SLC9C1: variants seen among roughly 807,000 people sequenced by gnomAD.
The protein encoded by SLC9C1 is sodium/hydrogen exchanger 10.
Under a neutral mutation model 140.9 loss-of-function variants are expected in SLC9C1, and 97 were observed. The ratio of observed to expected loss-of-function variants is 0.69; its 90% CI spans 0.58 to 0.82. The LOEUF is 0.82. Among genes scored for constraint, SLC9C1 ranks in the 40% least tolerant of loss-of-function variants. The pLI, the probability that SLC9C1 is intolerant of heterozygous loss-of-function variation, is 0.00. For synonymous variants in SLC9C1, 440 were observed against 442.6 expected, an observed-to-expected ratio of 0.99 and a Z score of 0.07; for missense variants, 1,340 against 1,389.3, an observed-to-expected ratio of 0.96 and a Z score of 0.56.
chr3:112,164,744 A>T (rs1379433909), intron 26 of SLC9C1, among the ~76,000 whole-genome samples: 1 of 151,500 alleles, frequency 6.6e-6, no homozygotes, highest in African/African-American at 2.4e-5. Flanking sequence ...TCTGACAATT[A>T]TGTGTCTTGG....
chr3:112,262,067 G>C (rs945931681), intron 10 of SLC9C1, among the ~76,000 whole-genome samples: 1 of 151,984 alleles, frequency 6.6e-6, no homozygotes, highest in Non-Finnish European at 1.5e-5. Context: ...ACTGATACTT[G>C]AGGTGAGGTG....
intron 20 of SLC9C1, among the ~76,000 whole-genome samples, chr3:112,195,023 T>C (rs1320388382): frequency 1.3e-5 from 2 of 152,174 alleles, no homozygotes; most frequent in Non-Finnish European, 1.5e-5. Flanking sequence ...ATTATGGGTA[T>C]TAATTTGTAT....
chr3:112,161,135 A>C (rs2075285317), intron 26 of SLC9C1, among the ~76,000 whole-genome samples: 1 of 151,922 alleles, frequency 6.6e-6, no homozygotes, highest in African/African-American at 2.4e-5. Flanking sequence ...TTCTCTTGTA[A>C]ATTTGTTTGA....
intron 26 of SLC9C1, among the ~76,000 whole-genome samples, chr3:112,159,996 TTTTA>T (rs2075245328): frequency 6.6e-6 from 1 of 151,808 alleles, no homozygotes; most frequent in Non-Finnish European, 1.5e-5. Context: ...TATAGTTGGG[TTTTA>T]TTTTTTTAAT....
intron 26 of SLC9C1, among the ~76,000 whole-genome samples, chr3:112,165,662 A>T (rs2077112464): frequency 6.6e-6 from 1 of 152,122 alleles, no homozygotes. Flanking sequence ...TAGCCATTTG[A>T]GGTGTCAGTC....
chr3:112,155,192 A>G (rs925558683), intron 26 of SLC9C1, 143 bp from the exon 27 acceptor site: 3 of 607,328 alleles, frequency 4.9e-6, no homozygotes, highest in Non-Finnish European at 8.0e-6. Context: ...ATTTGGTTAA[A>G]AAAAAGGGTC....
At chr3:112,217,194 G>T (rs2078402105) in intron 15 of SLC9C1, among the ~76,000 whole-genome samples, 1 of 152,110 alleles carries the variant, frequency 6.6e-6, no homozygotes, top group African/African-American at 2.4e-5. Flanking sequence ...ATCACACACT[G>T]GGGCCTGTTG....
rs539317077 is a variant in SLC9C1 at position 112,193,531 on chromosome 3, A to G, written c.2523+5790T>C. Among the ~76,000 whole-genome samples, 12 of 152,244 alleles carry G rather than the reference A, an allele frequency of 7.9e-5. No homozygotes were observed. In the South Asian group the frequency reaches 2.1e-3, roughly 26 times the overall value. On this transcript the variant is annotated intron_variant, in intron 20 of 28. Coordinates refer to ENST00000305815, the MANE Select transcript of SLC9C1 (RefSeq NM_183061.3). ...TGGGGCTCTTTCTTGGTCACAGGAT[A>G]CAGGCACAAGGCTGCTTTGCTGGCT...
At chr3:112,168,287 A>G (rs2077176650) in intron 25 of SLC9C1, among the ~76,000 whole-genome samples, 3 of 151,248 alleles carry the variant, frequency 2.0e-5, no homozygotes, top group Admixed American at 6.6e-5. Flanking sequence ...TCCTATTGAC[A>G]TGTGCCTCTC....
intron 15 of SLC9C1, among the ~76,000 whole-genome samples, chr3:112,214,424 GT>G (rs1287014376): frequency 2.0e-5 from 3 of 151,992 alleles, no homozygotes; most frequent in Non-Finnish European, 2.9e-5. Flanking sequence ...CCAGGAGCTG[GT>G]TTTTTTGAAA....
At chr3:112,264,914 T>C (rs1247382449) in intron 8 of SLC9C1, among the ~76,000 whole-genome samples, 1 of 151,832 alleles carries the variant, frequency 6.6e-6, no homozygotes, top group Non-Finnish European at 1.5e-5. Context: ...GATCCAGGAA[T>C]TGAAAGATGA....
intron 10 of SLC9C1, among the ~76,000 whole-genome samples, chr3:112,248,749 T>C (rs1446140417): frequency 6.6e-6 from 1 of 152,154 alleles, no homozygotes; most frequent in Non-Finnish European, 1.5e-5. Context: ...AGGGAAAGTA[T>C]TCAGTATTCA....
Position 112,199,570 on chromosome 3 carries a change from G to A in SLC9C1, c.2375-101C>T, listed in dbSNP as rs139733138. 1.5e-3 allele frequency: 1,310 copies of A among 849,136 alleles called. 7 individuals are homozygous for A. In the African/African-American group the frequency reaches 0.02, roughly 13 times the overall value. The allele number at this position is 849,136 out of a possible 1,614,324, so 52.6% of individuals were successfully genotyped here. ...TTCTGTTCTAAACCCATGGAATACC[G>A]CCCTCAACACAGAGAAATGTATCTC... On this transcript the variant is annotated intron_variant, in intron 19 of 28. Transcript: ENST00000305815.
chr3:112,284,141 T>A (rs1178649043), intron 2 of SLC9C1, among the ~76,000 whole-genome samples: 1 of 152,216 alleles, frequency 6.6e-6, no homozygotes, highest in Non-Finnish European at 1.5e-5. Context: ...AAAGCAAAGA[T>A]AGGTTGAGAC....
At position 112,231,353 on chromosome 3, in the gene SLC9C1, T is replaced by C; in HGVS notation, c.1572+8A>G. On this transcript the variant is annotated splice_region_variant and intron_variant, in intron 13 of 28. Coordinates refer to ENST00000305815, the MANE Select transcript of SLC9C1 (RefSeq NM_183061.3). The stretch of plus-strand genomic sequence containing the variant: ...CAAACATAATTTCAAAAGAGAATAA[T>C]ACAGTACTATTTGTGCTGACAAGAG... 1 of 1,612,616 alleles carries C rather than the reference T, an allele frequency of 6.2e-7. No homozygotes were observed. Among genetic ancestry groups the C allele is most frequent in the Non-Finnish European group, 8.5e-7 (1 of 1,179,358 alleles).
intron 13 of SLC9C1, among the ~76,000 whole-genome samples, chr3:112,225,896 C>G (rs1200375073): frequency 6.6e-6 from 1 of 151,954 alleles, no homozygotes; most frequent in Non-Finnish European, 1.5e-5. Context: ...TACCAAAAAC[C>G]AGAGCACTCA....
chr3:112,204,168 A>G (rs781508839), intron 17 of SLC9C1, 50 bp downstream of exon 17: 2 of 1,387,212 alleles, frequency 1.4e-6, no homozygotes, highest in African/African-American at 1.5e-5. Context: ...TCTATGTTTT[A>G]TGAAACAATC....
chr3:112,224,868 A>G lies in SLC9C1; in HGVS notation c.1573-3643T>C, dbSNP rs140781411. 5.7e-4 allele frequency among the ~76,000 whole-genome samples: 87 copies of G among 152,204 alleles called. No homozygotes were observed. The East Asian group carries it at 0.015, about 26-fold the overall frequency. On this transcript the variant is annotated intron_variant, in intron 13 of 28. Transcript: ENST00000305815. ...TAGAAAGAGCGAGCCAAAGAACCCA[A>G]GAGAGCTCATGGGACCCATGGGACA...
intron 14 of SLC9C1, among the ~76,000 whole-genome samples, chr3:112,218,142 C>T (rs1418941801): frequency 6.7e-6 from 1 of 149,758 alleles, no homozygotes; most frequent in Non-Finnish European, 1.5e-5. Context: ...TTTGGTAGCA[C>T]TTGTCCCAAG....
Sources: gnomAD v4.1 joint callset for allele counts (sites outside exome capture counted in the v4.1 genomes callset) on GRCh38, gnomAD v4.1.1 for gene constraint, MANE v1.5 for transcripts, NCBI Gene and HGNC (gene_info 2026-07-23, HGNC 2026-07-21) for gene names.